The following KLC1 variants were observed in gnomAD, a reference collection of about 807,000 sequenced individuals.
KLC1 encodes the protein kinesin 2 60/70kDa.
KLC1 carries 30 observed loss-of-function variants against 84.2 expected under a neutral mutation model. That is an observed-to-expected ratio of 0.36 (90% CI 0.27 to 0.48). The LOEUF is 0.48. Among genes scored for constraint, KLC1 ranks in the 20% least tolerant of loss-of-function variants. The probability of loss-of-function intolerance (pLI) is 0.99; values close to 1 mark genes in which losing one functional copy is unlikely to be tolerated. For missense variants in KLC1, 499 were observed against 805.4 expected (o/e 0.62, Z 4.60); for synonymous variants, 289 against 293.3 (o/e 0.99, Z 0.15).
In KLC1 at chr14:103,694,136, C is replaced by T. The variant is rs1039076892; in HGVS notation, c.1848+1711C>T. The T allele has an allele frequency of 1.9e-5, 19 of 984,886 alleles. No individual in the cohort carries two copies. Among genetic ancestry groups the T allele is most frequent in the Admixed American group, 1.2e-4 (2 of 16,316 alleles). The allele number at this position is 984,886 out of a possible 1,614,324, so 61.0% of individuals were successfully genotyped here. A position where few individuals can be genotyped will look rare whatever the true frequency, so the allele number is the denominator to read the frequency against. On this transcript the variant is annotated intron_variant, in intron 15 of 16. Coordinates refer to ENST00000334553, the MANE Select transcript of KLC1 (RefSeq NM_001394837.1). The surrounding 1 kb of genome is among the most constrained non-coding windows in gnomAD (Gnocchi z 4.5). The stretch of plus-strand genomic sequence containing the variant: ...ATTCCTTCCCAGCTGGAGCATCTTC[C>T]GGGTCTCTCTTTCCAAGGTCCCCAT...
intron 14 of KLC1, among the ~76,000 whole-genome samples, chr14:103,690,621 C>T (rs568445148): frequency 2.3e-5 from 1 of 42,750 alleles, no homozygotes; most frequent in Non-Finnish European, 5.9e-5. Context: ...GGAACTGCTG[C>T]GCTCATGTTC....
chr14:103,679,644 C>T (rs188497757), intron 13 of KLC1, 99 bp downstream of exon 13: 1 of 849,714 alleles, frequency 1.2e-6, no homozygotes, highest in African/African-American at 1.7e-5. Context: ...TTCTGCTTTT[C>T]TCAAATTAAG....
chr14:103,694,688 A>C lies in KLC1; in HGVS notation c.1848+2263A>C. The stretch of plus-strand genomic sequence containing the variant: ...GGGATGGAGGGGCGGTCTGTGAAAC[A>C]CCAGCCATCCCGTGAAAGCTCAGCT... On this transcript the variant is annotated intron_variant, in intron 15 of 16. Coordinates refer to ENST00000334553, the MANE Select transcript of KLC1 (RefSeq NM_001394837.1). This position sits in a 1 kb window ranked among gnomAD's most constrained non-coding sequence, Gnocchi z 4.5. 1 of 985,438 alleles carries C rather than the reference A, an allele frequency of 1.0e-6. No homozygotes were observed. Among genetic ancestry groups the C allele is most frequent in the Non-Finnish European group, 1.2e-6 (1 of 829,926 alleles). 61.0% of individuals were successfully genotyped at this position (985,438 alleles called of 1,614,324 possible).
Position 103,701,274 on chromosome 14 carries a change from G to A in KLC1, c.*75G>A, listed in dbSNP as rs549132559. 32 of 1,497,018 alleles carry A rather than the reference G, an allele frequency of 2.1e-5. No individual in the cohort carries two copies. The highest frequency in any genetic ancestry group is 3.5e-4 in the Middle Eastern group (2 of 5,768). The allele number at this position is 1,497,018 out of a possible 1,614,324, so 92.7% of individuals were successfully genotyped here. A position where few individuals can be genotyped will look rare whatever the true frequency, so the allele number is the denominator to read the frequency against. On this transcript the variant is annotated 3_prime_UTR_variant, in exon 17 of 17. Transcript: ENST00000334553. ...GGAGCTGGCCCGGGACAGCCAGGGC[G>A]GCAGGGAGGGCCCCTGGCCGGGAGC...
chr14:103,654,167 T>G (rs1595366803), intron 1 of KLC1, among the ~76,000 whole-genome samples: 1 of 152,222 alleles, frequency 6.6e-6, no homozygotes, highest in African/African-American at 2.4e-5. Flanking sequence ...TTTTCAAGCC[T>G]TTGTCCAGTT....
rs1211435076 is a variant in KLC1, at chr14:103,695,415, CAAAA to C, written c.1848+2994_1848+2997del. On this transcript the variant is annotated intron_variant, in intron 15 of 16. Transcript: ENST00000334553. ...TGGGTTGTGAGAAGCCAACCCCCCC[CAAAA>C]AAAGGGGGGTGTAGAGCAGCTTCCC... 1.0e-5 allele frequency: 10 copies of C among 983,474 alleles called. No homozygotes were observed. In the African/African-American group the frequency reaches 1.4e-4, roughly 14 times the overall value. 60.9% of individuals were successfully genotyped at this position (983,474 alleles called of 1,614,324 possible).
rs79809574 is a variant in KLC1 at position 103,670,331 on chromosome 14, T to C, written c.987+48T>C. ...TTTTCTTTGAGATTTTTGTTTTGTG[T>C]GTGTGTGGTTTTTTTTTTTTTTTTG... On this transcript the variant is annotated intron_variant, in intron 7 of 16. Coordinates refer to ENST00000334553, the MANE Select transcript of KLC1 (RefSeq NM_001394837.1). 4.8e-4 allele frequency: 644 copies of C among 1,355,064 alleles called. 4 individuals are homozygous for C. The African/African-American group carries it at 8.6e-3, about 18-fold the overall frequency. The allele number at this position is 1,355,064 out of a possible 1,614,324, so 83.9% of individuals were successfully genotyped here.
At chr14:103,635,300 C>G (rs572199683) in intron 1 of KLC1, among the ~76,000 whole-genome samples, 84 of 152,276 alleles carry the variant, frequency 5.5e-4, no homozygotes, top group African/African-American at 1.9e-3. Context: ...TAAAACTGAT[C>G]AGAGTGATGT....
rs1238255457 is a variant in KLC1 at position 103,701,385 on chromosome 14, G to GCTGGGC, written c.*189_*194dup. ...CGGCTGGCGTGACCTTGGGGCTGGG[G>GCTGGGC]CTGGGCCTAAGCTGGTGCCCTGGTG... On this transcript the variant is annotated 3_prime_UTR_variant, in exon 17 of 17. Coordinates refer to ENST00000334553, the MANE Select transcript of KLC1 (RefSeq NM_001394837.1). The GCTGGGC allele has an allele frequency of 1.6e-6, 1 of 608,722 alleles. No individual in the cohort carries two copies. Among genetic ancestry groups the GCTGGGC allele is most frequent in the Non-Finnish European group, 2.7e-6 (1 of 364,266 alleles). The allele number at this position is 608,722 out of a possible 1,614,324, so 37.7% of individuals were successfully genotyped here.
Position 103,672,865 on chromosome 14 carries a change from G to A in KLC1, c.988-149G>A, listed in dbSNP as rs73363043. 9.6e-3 allele frequency: 6,355 copies of A among 665,102 alleles called. 326 individuals are homozygous for A. In the African/African-American group the frequency reaches 0.11, roughly 11 times the overall value. 41.2% of individuals were successfully genotyped at this position (665,102 alleles called of 1,614,324 possible). ...GAAATTCTGGTTATTTTATTACTACGTGGTGTAGCGAGCCAGTTAAGGATT... is the reference window on the plus strand; with the variant it reads ...GAAATTCTGGTTATTTTATTACTACATGGTGTAGCGAGCCAGTTAAGGATT... On this transcript the variant is annotated intron_variant, in intron 7 of 16. Transcript: ENST00000334553.
At position 103,662,848 on chromosome 14, in the gene KLC1, C is replaced by T; in HGVS notation, c.718C>T (p.Leu240=). The T allele has an allele frequency of 1.9e-6, 3 of 1,613,690 alleles. No individual in the cohort carries two copies. The highest frequency in any genetic ancestry group is 2.2e-5 in the East Asian group (1 of 44,842). ...EVAVPLCKQA[L]EDLEKTSGHD... is the part of the protein sequence containing the mutation. ...AGCTGTGCCCCTCTGCAAGCAGGCC[C>T]TGGAGGACCTGGAGAAGACTTCAGG... The change falls in exon 5 of 17, where the codon CTG becomes TTG. Residue 240 remains leucine (L), a synonymous_variant. Transcript: ENST00000334553.
chr14:103,692,842 C>T (rs2082199538), intron 15 of KLC1, among the ~76,000 whole-genome samples: 1 of 152,144 alleles, frequency 6.6e-6, no homozygotes. Context: ...ATTCAAAACT[C>T]TGTTAACATG....
Position 103,694,437 on chromosome 14 carries a change from C to G in KLC1, c.1848+2012C>G. The G allele has an allele frequency of 5.1e-6, 5 of 985,244 alleles. No homozygotes were observed. Among genetic ancestry groups the G allele is most frequent in the Non-Finnish European group, 6.0e-6 (5 of 829,792 alleles). 61.0% of individuals were successfully genotyped at this position (985,244 alleles called of 1,614,324 possible). ...CACAAGGTCAGGAGATCGAGACCAT[C>G]CTGGCTAACATGGCGTTTCACTTTT... On this transcript the variant is annotated intron_variant, in intron 15 of 16. Transcript: ENST00000334553. The surrounding 1 kb of genome is among the most constrained non-coding windows in gnomAD (Gnocchi z 4.5).
At chr14:103,631,766 T>A (rs1389359957) in intron 1 of KLC1, among the ~76,000 whole-genome samples, 1 of 151,814 alleles carries the variant, frequency 6.6e-6, no homozygotes, top group Non-Finnish European at 1.5e-5. Flanking sequence ...CCAGGCTGAT[T>A]TTTTGTATTT....
intron 1 of KLC1, among the ~76,000 whole-genome samples, chr14:103,652,062 C>T (rs569298042): frequency 6.6e-6 from 1 of 152,292 alleles, no homozygotes; most frequent in East Asian, 1.9e-4. Flanking sequence ...TAGTAAAACA[C>T]TTGCATCTGC....
chr14:103,696,791 C>T (rs3212134), intron 15 of KLC1: 22,130 of 985,462 alleles, frequency 0.022, 274 homozygotes, highest in South Asian at 0.057. Context: ...GGCGCGTGGT[C>T]CCTGAGGGAG....
intron 13 of KLC1, chr14:103,685,918 A>C (rs1017574404): frequency 3.7e-5 from 41 of 1,121,068 alleles, no homozygotes; most frequent in Non-Finnish European, 4.1e-5. Flanking sequence ...AAAAATTAAG[A>C]GCGATTAGCT....
chr14:103,699,171 C>T (rs764416609), intron 15 of KLC1: 3 of 1,565,660 alleles, frequency 1.9e-6, no homozygotes. Context: ...CCTCCATGGC[C>T]TCTGTCACCT....
intron 11 of KLC1, 127 bp from the exon 12 acceptor site, chr14:103,677,288 A>T: frequency 1.5e-6 from 1 of 674,772 alleles, no homozygotes; most frequent in Non-Finnish European, 2.6e-6. Context: ...TCAGAAAAGT[A>T]CAAGAGAAAG....
Sources: gnomAD v4.1 joint callset for allele counts (sites outside exome capture counted in the v4.1 genomes callset) on GRCh38, gnomAD v4.1.1 for gene constraint, Gnocchi (gnomAD v3.1) non-coding constraint, MANE v1.5 for transcripts, NCBI Gene and HGNC (gene_info 2026-07-23, HGNC 2026-07-21) for gene names.